The following CAPN11 variants were observed in gnomAD, a reference collection of about 807,000 sequenced individuals.
The protein encoded by CAPN11 is calpain 11.
Under a neutral mutation model 105.3 loss-of-function variants are expected in CAPN11, and 108 were observed. The observed-to-expected ratio is 1.03, with a 90% CI of 0.88 to 1.20. The LOEUF (loss-of-function observed/expected upper bound fraction) is 1.20. CAPN11 is among the 50% of genes most tolerant of loss of function. The pLI, the probability that CAPN11 is intolerant of heterozygous loss-of-function variation, is 0.00. For synonymous variants in CAPN11, 329 were observed against 344.5 expected, an observed-to-expected ratio of 0.96 and a Z score of 0.50; for missense variants, 883 against 924.8, an observed-to-expected ratio of 0.95 and a Z score of 0.59.
chr6:44,177,330 C>T lies in CAPN11; in HGVS notation c.1326C>T (p.Cys442=). 2 of 1,613,964 alleles carry T rather than the reference C, an allele frequency of 1.2e-6. No homozygotes were observed. The highest frequency in any genetic ancestry group is 4.5e-5 in the East Asian group (2 of 44,884). Reference sequence around the variant, plus strand: ...ACGCAGAGGGCAATGTTGTGGTCTGCACCTGCCTGGTGGCCCTAATGCAGA... The same window carrying T: ...ACGCAGAGGGCAATGTTGTGGTCTGTACCTGCCTGGTGGCCCTAATGCAGA... ...EDDAEGNVVV[C]TCLVALMQKN... is the part of the protein sequence containing the mutation. Residue 442 remains cysteine (C), a synonymous_variant, in exon 12 of 23, where the codon TGC becomes TGT. Coordinates refer to ENST00000398776, the MANE Select transcript of CAPN11 (RefSeq NM_007058.4).
In CAPN11 at chr6:44,173,240, T is replaced by C. The variant is rs376868200; in HGVS notation, c.685T>C (p.Leu229=). Residue 229 remains leucine (L), a synonymous_variant, in exon 7 of 23, where the codon TTG becomes CTG. Coordinates refer to ENST00000398776, the MANE Select transcript of CAPN11 (RefSeq NM_007058.4). ...YAKLSGSYEA[L]SGGSTMEGLE... ...CAGGCTGAGTGGGTCCTATGAAGCA[T>C]TGTCAGGGGGCAGTACCATGGAGGG... 8 of 1,613,682 alleles carry C rather than the reference T, an allele frequency of 5.0e-6. No individual in the cohort carries two copies. The Admixed American group carries it at 6.7e-5, about 13-fold the overall frequency.
At chr6:44,160,665 T>C (rs1768617870) in intron 1 of CAPN11, among the ~76,000 whole-genome samples, 1 of 152,098 alleles carries the variant, frequency 6.6e-6, no homozygotes, top group Non-Finnish European at 1.5e-5. Context: ...AAATGATCTG[T>C]AGGTTCTCAG....
rs989259470 is a variant in CAPN11 at position 44,166,845 on chromosome 6, C to T, written c.88+16C>T. ...TCATGTGCGGGTAGGACTGCAGACC[C>T]GTCGTGGCTCTGTGGCCTCCCTTTT... On this transcript the variant is annotated intron_variant, in intron 2 of 22. Transcript: ENST00000398776. 30 of 1,523,170 alleles carry T rather than the reference C, an allele frequency of 2.0e-5. No individual in the cohort carries two copies. Among genetic ancestry groups the T allele is most frequent in the South Asian group, 2.4e-5 (2 of 83,552 alleles). The allele number at this position is 1,523,170 out of a possible 1,614,324, so 94.4% of individuals were successfully genotyped here.
At chr6:44,175,029 G>C (rs1771722538) in intron 7 of CAPN11, among the ~76,000 whole-genome samples, 1 of 152,176 alleles carries the variant, frequency 6.6e-6, no homozygotes, top group Admixed American at 6.6e-5. Flanking sequence ...GTTATAAAAG[G>C]GCGACTCAAG....
At chr6:44,177,493 T>TTTC (rs756014098) in intron 12 of CAPN11, 73 bp downstream of exon 12, 7,238 of 758,188 alleles carry the variant, frequency 9.5e-3, no homozygotes, top group Non-Finnish European at 0.011. Flanking sequence ...TCTTTCTTTC[T>TTTC]TTTTTTTTTT....
chr6:44,182,569 C>T (rs898822049), intron 19 of CAPN11, among the ~76,000 whole-genome samples: 2 of 152,286 alleles, frequency 1.3e-5, no homozygotes, highest in East Asian at 1.9e-4. Context: ...TAGGCCACTG[C>T]TGTGAGCCAA....
chr6:44,170,025 G>A, intron 4 of CAPN11, 50 bp downstream of exon 4: 2 of 1,447,734 alleles, frequency 1.4e-6, no homozygotes, highest in Non-Finnish European at 1.9e-6. Context: ...AGGATTGGGG[G>A]AGGGGTGCCA....
intron 2 of CAPN11, 89 bp downstream of exon 2, chr6:44,166,918 G>C (rs951199005): frequency 3.5e-6 from 3 of 855,202 alleles, no homozygotes; most frequent in Non-Finnish European, 5.6e-6. Context: ...CTGCTGGTGG[G>C]GGAAGTCAGT....
chr6:44,180,962 C>G lies in CAPN11; in HGVS notation c.1834C>G (p.Leu612Val), dbSNP rs1351960282. The change falls in exon 18 of 23, where the codon CTG (leucine) becomes GTG (valine). Residue 612 changes from leucine (L) to valine (V), a missense_variant. Leu to Val is a conservative substitution (Grantham distance 32, BLOSUM62 1). Coordinates refer to ENST00000398776, the MANE Select transcript of CAPN11 (RefSeq NM_007058.4). Reference protein sequence around the residue: ...FKSFKTKGFGLDACRCMINLM... With the variant: ...FKSFKTKGFGVDACRCMINLM... ...AAGCTTCAAGACCAAGGGCTTTGGCCTGGATGCTTGCCGCTGCATGATCAA... is the reference window on the plus strand; with the variant it reads ...AAGCTTCAAGACCAAGGGCTTTGGCGTGGATGCTTGCCGCTGCATGATCAA... The G allele has an allele frequency of 6.2e-7, 1 of 1,613,722 alleles. No individual in the cohort carries two copies. Among genetic ancestry groups the G allele is most frequent in the Non-Finnish European group, 8.5e-7 (1 of 1,179,720 alleles).
chr6:44,161,087 C>T (rs2128288080), intron 1 of CAPN11, among the ~76,000 whole-genome samples: 2 of 152,116 alleles, frequency 1.3e-5, no homozygotes, highest in East Asian at 1.9e-4. Context: ...CCACAGGCAG[C>T]CTTGGTCTGT....
At position 44,169,983 on chromosome 6, in the gene CAPN11, G is replaced by A. The variant is rs760060167; in HGVS notation, c.409+8G>A. 1 of 1,606,228 alleles carries A rather than the reference G, an allele frequency of 6.2e-7. No individual in the cohort carries two copies. The highest frequency in any genetic ancestry group is 2.2e-5 in the East Asian group (1 of 44,704). On this transcript the variant is annotated splice_region_variant and intron_variant, in intron 4 of 22. Coordinates refer to ENST00000398776, the MANE Select transcript of CAPN11 (RefSeq NM_007058.4). ...TCTGCCAGGGGATCCTCGGTGAGTGGGGCACAGGAAGCTGGTCTCCACCTG... is the reference window on the plus strand; with the variant it reads ...TCTGCCAGGGGATCCTCGGTGAGTGAGGCACAGGAAGCTGGTCTCCACCTG...
At chr6:44,174,775 A>G (rs1364093653) in intron 7 of CAPN11, among the ~76,000 whole-genome samples, 1 of 151,954 alleles carries the variant, frequency 6.6e-6, no homozygotes, top group Non-Finnish European at 1.5e-5. Flanking sequence ...ACCTGCTGCC[A>G]TGCATGGCTA....
At chr6:44,173,161 C>G (rs918133682) in intron 6 of CAPN11, 57 bp from the exon 7 acceptor site, 1 of 1,604,244 alleles carries the variant, frequency 6.2e-7, no homozygotes, top group African/African-American at 1.3e-5. Flanking sequence ...AGCAGGACAT[C>G]CCTCCCTCCC....
intron 4 of CAPN11, among the ~76,000 whole-genome samples, chr6:44,171,072 G>A (rs913145491): frequency 1.3e-5 from 2 of 152,160 alleles, no homozygotes; most frequent in Non-Finnish European, 2.9e-5. Context: ...GGCTGGAGGA[G>A]GGAATTCACT....
intron 1 of CAPN11, among the ~76,000 whole-genome samples, chr6:44,162,368 GAC>G (rs57009949): frequency 0.4 from 55,550 of 138,410 alleles, 11,809 homozygotes; most frequent in Non-Finnish European, 0.48. Flanking sequence ...TTTGAATAAA[GAC>G]ACACACACAC....
intron 1 of CAPN11, chr6:44,161,834 G>A: frequency 2.2e-6 from 1 of 456,274 alleles, no homozygotes; most frequent in Non-Finnish European, 4.4e-6. Flanking sequence ...AGCAGCCAGG[G>A]TAGAGGCTGC....
chr6:44,162,091 A>G (rs1057149094), intron 1 of CAPN11, among the ~76,000 whole-genome samples: 1 of 151,620 alleles, frequency 6.6e-6, no homozygotes, highest in South Asian at 2.1e-4. Context: ...CTGCCTCTAG[A>G]CGTTGCCACC....
At chr6:44,171,526 C>G (rs1181755159) in intron 4 of CAPN11, among the ~76,000 whole-genome samples, 4 of 152,142 alleles carry the variant, frequency 2.6e-5, no homozygotes, top group Non-Finnish European at 5.9e-5. Flanking sequence ...TTGGCTCTGT[C>G]TCAAAGAAAG....
intron 7 of CAPN11, among the ~76,000 whole-genome samples, chr6:44,175,726 G>A (rs1338698063): frequency 6.6e-6 from 1 of 151,606 alleles, no homozygotes; most frequent in African/African-American, 2.4e-5. Context: ...GCAGTGAGCC[G>A]AGATCTCACC....
Sources: allele counts gnomAD v4.1 joint callset (sites outside exome capture counted in the v4.1 genomes callset), GRCh38; gene constraint gnomAD v4.1.1; transcripts MANE v1.5; gene names NCBI Gene and HGNC (gene_info 2026-07-23, HGNC 2026-07-21).